Variants in CCSER1 observed in about 807,000 individuals in gnomAD.
CCSER1 encodes coiled-coil serine rich protein 1.
A neutral mutation model predicts 82.0 loss-of-function variants in CCSER1; 41 were observed. The ratio of observed to expected loss-of-function variants is 0.50; its 90% CI spans 0.39 to 0.65. The LOEUF (loss-of-function observed/expected upper bound fraction) is 0.65. Ranked by LOEUF, CCSER1 falls within the 30% of genes least tolerant of loss-of-function variation. The pLI, the probability that CCSER1 is intolerant of heterozygous loss-of-function variation, is 0.00. For missense variants in CCSER1, 1,119 were observed against 1,064.2 expected, an observed-to-expected ratio of 1.05 and a Z score of -0.72; for synonymous variants, 414 against 383.9, an observed-to-expected ratio of 1.08 and a Z score of -0.92.
chr4:90,687,333 T>C (rs1734995114), intron 6 of CCSER1, among the ~76,000 whole-genome samples: 1 of 152,176 alleles, frequency 6.6e-6, no homozygotes, highest in Non-Finnish European at 1.5e-5. Flanking sequence ...ATCTTTTGTT[T>C]CTGGAAAATT....
chr4:91,375,519 C>CTTTTT (rs35891064), intron 10 of CCSER1, among the ~76,000 whole-genome samples: 1 of 137,056 alleles, frequency 7.3e-6, no homozygotes, highest in Non-Finnish European at 1.6e-5. Flanking sequence ...TCACTGTTGT[C>CTTTTT]TTTTTTTTTT....
At chr4:90,339,535 C>T (rs1741009565) in intron 3 of CCSER1, among the ~76,000 whole-genome samples, 1 of 152,118 alleles carries the variant, frequency 6.6e-6, no homozygotes, top group African/African-American at 2.4e-5. Context: ...TTTTACCTTC[C>T]TTTCGCTCCA....
intron 3 of CCSER1, among the ~76,000 whole-genome samples, chr4:90,331,462 T>C (rs1255816725): frequency 6.6e-6 from 1 of 152,192 alleles, no homozygotes; most frequent in Non-Finnish European, 1.5e-5. Flanking sequence ...CTGAGTTACA[T>C]GGTATTAAAA....
chr4:91,570,865 TG>T (rs900051484), intron 10 of CCSER1, among the ~76,000 whole-genome samples: 4 of 152,146 alleles, frequency 2.6e-5, no homozygotes, highest in African/African-American at 9.7e-5. Flanking sequence ...CCTCAGAAAA[TG>T]GGTTTTTCTT....
At chr4:91,259,857 G>T (rs917436881) in intron 10 of CCSER1, among the ~76,000 whole-genome samples, 1 of 152,098 alleles carries the variant, frequency 6.6e-6, no homozygotes, top group Admixed American at 6.5e-5. Context: ...CATTTGGGTT[G>T]GTTCCAAGTC....
intron 5 of CCSER1, among the ~76,000 whole-genome samples, chr4:90,616,419 A>C (rs1285500824): frequency 6.6e-6 from 1 of 152,050 alleles, no homozygotes. Context: ...AGTGGCTCAC[A>C]CCTGTAATCC....
intron 7 of CCSER1, among the ~76,000 whole-genome samples, chr4:90,741,227 A>G (rs1008522820): frequency 3.3e-5 from 5 of 152,230 alleles, no homozygotes; most frequent in Admixed American, 3.3e-4. Context: ...AACAAAAAGA[A>G]TTTTAAGAAA....
chr4:90,661,606 A>T (rs1272325720), intron 6 of CCSER1, among the ~76,000 whole-genome samples: 3 of 152,146 alleles, frequency 2.0e-5, no homozygotes, highest in African/African-American at 7.2e-5. Context: ...ATAAAGGAGA[A>T]CCTCCCTGGG....
chr4:91,597,286 A>G (rs1396932933), intron 10 of CCSER1, among the ~76,000 whole-genome samples: 1 of 152,134 alleles, frequency 6.6e-6, no homozygotes, highest in African/African-American at 2.4e-5. Flanking sequence ...GCAATAGCAG[A>G]GTGTTGGAAA....
chr4:91,369,636 G>T (rs945516753), intron 10 of CCSER1, among the ~76,000 whole-genome samples: 1 of 146,160 alleles, frequency 6.8e-6, no homozygotes, highest in Non-Finnish European at 1.5e-5. Context: ...CATTAACAAG[G>T]TCCCAGGTCC....
At chr4:90,552,973 C>A (rs1170095480) in intron 5 of CCSER1, among the ~76,000 whole-genome samples, 1 of 145,716 alleles carries the variant, frequency 6.9e-6, no homozygotes, top group African/African-American at 2.6e-5. Flanking sequence ...ACTAAATTAA[C>A]CATTTTTTTT....
At chr4:90,309,648 A>G in intron 2 of CCSER1, 40 bp downstream of exon 2, 2 of 1,416,798 alleles carry the variant, frequency 1.4e-6, no homozygotes. Context: ...ATATGAATTA[A>G]TTTTCATTAT....
chr4:90,359,030 T>C (rs1432361035), intron 3 of CCSER1, among the ~76,000 whole-genome samples: 1 of 152,194 alleles, frequency 6.6e-6, no homozygotes, highest in African/African-American at 2.4e-5. Context: ...CATGGTATCA[T>C]GTATCCAACT....
intron 5 of CCSER1, among the ~76,000 whole-genome samples, chr4:90,471,639 G>A (rs1764409559): frequency 6.6e-6 from 1 of 151,616 alleles, no homozygotes; most frequent in African/African-American, 2.4e-5. Context: ...ATGCCCTTAT[G>A]ATATCAGTTT....
chr4:91,127,282 A>T (rs1561569447), intron 10 of CCSER1, among the ~76,000 whole-genome samples: 9 of 152,058 alleles, frequency 5.9e-5, no homozygotes, highest in Admixed American at 5.9e-4. Context: ...TGTGAAAAAA[A>T]TTGAGAGATC....
chr4:90,946,091 C>A (rs929475315), intron 9 of CCSER1, among the ~76,000 whole-genome samples: 1 of 152,052 alleles, frequency 6.6e-6, no homozygotes, highest in African/African-American at 2.4e-5. Context: ...AATAAGATAA[C>A]TTTTTGCCTT....
intron 4 of CCSER1, among the ~76,000 whole-genome samples, chr4:90,466,236 G>A (rs2153586845): frequency 6.6e-6 from 1 of 152,326 alleles, no homozygotes; most frequent in South Asian, 2.1e-4. Context: ...AAAGCAGAAA[G>A]AATGTTTTTT....
At chr4:91,392,371 A>G (rs73835191) in intron 10 of CCSER1, among the ~76,000 whole-genome samples, 4,840 of 37,756 alleles carry the variant, frequency 0.13, 278 homozygotes, top group African/African-American at 0.28. Context: ...ATGCACACAC[A>G]CACACACACA....
intron 1 of CCSER1, among the ~76,000 whole-genome samples, chr4:90,296,974 G>T (rs186614415): frequency 2.0e-5 from 3 of 152,136 alleles, no homozygotes; most frequent in Non-Finnish European, 4.4e-5. Context: ...TTGGCAATGT[G>T]GGCTCTTTTT....
Sources: gnomAD v4.1 joint callset for allele counts (sites outside exome capture counted in the v4.1 genomes callset) on GRCh38, gnomAD v4.1.1 for gene constraint, MANE v1.5 for transcripts, NCBI Gene and HGNC (gene_info 2026-07-23, HGNC 2026-07-21) for gene names.